Variants in CCDC91 observed in about 807,000 individuals in gnomAD.
CCDC91 encodes coiled-coil domain containing 91.
CCDC91 carries 48 observed loss-of-function variants against 63.2 expected under a neutral mutation model. The ratio of observed to expected loss-of-function variants is 0.76; its 90% CI spans 0.60 to 0.97. The LOEUF (loss-of-function observed/expected upper bound fraction) is 0.97. CCDC91 is among the 50% of genes least tolerant of loss of function. CCDC91 has a pLI of 0.00. For missense variants in CCDC91, 500 were observed against 494.6 expected, an observed-to-expected ratio of 1.01 and a Z score of -0.10; for synonymous variants, 167 against 165.8, an observed-to-expected ratio of 1.01 and a Z score of -0.06.
At chr12:28,361,307 A>G (rs1359409845) in intron 6 of CCDC91, among the ~76,000 whole-genome samples, 1 of 151,756 alleles carries the variant, frequency 6.6e-6, no homozygotes, top group East Asian at 1.9e-4. Context: ...CATTAGGTAT[A>G]TCTCCTAAAG....
At chr12:28,242,543 A>G (rs1945415359) in intron 1 of CCDC91, among the ~76,000 whole-genome samples, 1 of 152,166 alleles carries the variant, frequency 6.6e-6, no homozygotes, top group Non-Finnish European at 1.5e-5. Context: ...AGGGGAAGCC[A>G]TCTGGGACTT....
intron 8 of CCDC91, among the ~76,000 whole-genome samples, chr12:28,444,497 G>A (rs1346461665): frequency 6.6e-6 from 1 of 152,174 alleles, no homozygotes; most frequent in Non-Finnish European, 1.5e-5. Context: ...ATACTCTGCA[G>A]CCATTAAAAA....
intron 1 of CCDC91, among the ~76,000 whole-genome samples, chr12:28,222,363 A>G (rs1211642591): frequency 2.0e-5 from 3 of 152,052 alleles, no homozygotes; most frequent in Admixed American, 2.0e-4. Flanking sequence ...TGTAGGAAGT[A>G]TATGTTTTAA....
intron 11 of CCDC91, among the ~76,000 whole-genome samples, chr12:28,458,082 C>T (rs1950134878): frequency 1.3e-5 from 2 of 152,068 alleles, no homozygotes; most frequent in Non-Finnish European, 2.9e-5. Context: ...AAATTTAGTA[C>T]TGCCACCTGA....
chr12:28,497,032 C>G (rs560612152), intron 12 of CCDC91, among the ~76,000 whole-genome samples: 58 of 149,756 alleles, frequency 3.9e-4, no homozygotes, highest in African/African-American at 1.2e-3. Context: ...CCCCTGATTA[C>G]TCAGGGATAT....
chr12:28,238,003 A>G (rs375916609), intron 1 of CCDC91, among the ~76,000 whole-genome samples: 8 of 152,136 alleles, frequency 5.3e-5, no homozygotes, highest in African/African-American at 1.7e-4. Context: ...CCCTATATCA[A>G]TCCCTTTTTT....
intron 11 of CCDC91, among the ~76,000 whole-genome samples, chr12:28,469,827 T>C (rs948731647): frequency 8.6e-5 from 13 of 151,996 alleles, no homozygotes; most frequent in Non-Finnish European, 1.6e-4. Flanking sequence ...GCCAGGAACA[T>C]ATACTGAGGA....
chr12:28,510,237 A>ATGTGTGTGTGTGTGTGTGTATGTGTG (rs141267477), intron 12 of CCDC91, among the ~76,000 whole-genome samples: 1 of 149,028 alleles, frequency 6.7e-6, no homozygotes, highest in African/African-American at 2.5e-5. Context: ...TCAATAGGGC[A>ATGTGTGTGTGTGTGTGTGTATGTGTG]TGTGTGTGTG....
At chr12:28,479,606 A>T (rs1951330929) in intron 11 of CCDC91, among the ~76,000 whole-genome samples, 1 of 152,132 alleles carries the variant, frequency 6.6e-6, no homozygotes. Context: ...TAGAACTTAA[A>T]GTATAATAAA....
At chr12:28,253,179 G>A (rs1946235955) in intron 1 of CCDC91, among the ~76,000 whole-genome samples, 1 of 152,152 alleles carries the variant, frequency 6.6e-6, no homozygotes. Context: ...GTTTCTTTGT[G>A]GAACGTCTGA....
At chr12:28,367,571 A>G (rs1161038218) in intron 7 of CCDC91, among the ~76,000 whole-genome samples, 1 of 152,232 alleles carries the variant, frequency 6.6e-6, no homozygotes, top group Non-Finnish European at 1.5e-5. Context: ...ACTTAAAAAC[A>G]TTCAAAGTAA....
chr12:28,443,766 G>C (rs925219888), intron 8 of CCDC91, among the ~76,000 whole-genome samples: 1 of 152,130 alleles, frequency 6.6e-6, no homozygotes, highest in South Asian at 2.1e-4. Context: ...TTAAAAATCT[G>C]TCAGGGGTTT....
chr12:28,194,399 C>T (rs747676446), intron 1 of CCDC91, among the ~76,000 whole-genome samples: 17 of 152,146 alleles, frequency 1.1e-4, no homozygotes, highest in Admixed American at 2.0e-4. Flanking sequence ...CACGGACCCT[C>T]GCAGTGAGTG....
At chr12:28,357,304 A>G (rs1158590794) in intron 6 of CCDC91, among the ~76,000 whole-genome samples, 2 of 152,142 alleles carry the variant, frequency 1.3e-5, no homozygotes, top group Non-Finnish European at 2.9e-5. Flanking sequence ...TAATCATTTT[A>G]GCTAAGAAGC....
chr12:28,220,339 TA>T (rs1943853698), intron 1 of CCDC91, among the ~76,000 whole-genome samples: 1 of 152,136 alleles, frequency 6.6e-6, no homozygotes, highest in Non-Finnish European at 1.5e-5. Context: ...CACTTATCAA[TA>T]TTTTTCCGTT....
At chr12:28,415,899 T>C (rs1947626424) in intron 8 of CCDC91, among the ~76,000 whole-genome samples, 1 of 152,162 alleles carries the variant, frequency 6.6e-6, no homozygotes, top group African/African-American at 2.4e-5. Flanking sequence ...GTTCTTGATA[T>C]CATTCAGTAC....
intron 6 of CCDC91, among the ~76,000 whole-genome samples, chr12:28,334,621 G>T (rs1305504803): frequency 6.6e-6 from 1 of 152,080 alleles, no homozygotes; most frequent in African/African-American, 2.4e-5. Context: ...AAATTCTGGA[G>T]CACAAATTTT....
chr12:28,517,164 G>A (rs1940040807), intron 12 of CCDC91, among the ~76,000 whole-genome samples: 1 of 151,768 alleles, frequency 6.6e-6, no homozygotes, highest in Admixed American at 6.6e-5. Context: ...TTTACTTCAT[G>A]TTATATGCTT....
chr12:28,377,119 ATT>A (rs879621980), intron 7 of CCDC91, among the ~76,000 whole-genome samples: 4 of 134,032 alleles, frequency 3.0e-5, no homozygotes, highest in Non-Finnish European at 1.6e-5. Flanking sequence ...TCTTCCCCCT[ATT>A]TTTTTTTTTT....
Sources: gnomAD v4.1 joint callset for allele counts (sites outside exome capture counted in the v4.1 genomes callset) on GRCh38, gnomAD v4.1.1 for gene constraint, MANE v1.5 for transcripts, NCBI Gene and HGNC (gene_info 2026-07-23, HGNC 2026-07-21) for gene names.